Variants in PAPPA2 observed in about 807,000 individuals in gnomAD.
PAPPA2 encodes pappalysin-2.
A neutral mutation model predicts 176.4 loss-of-function variants in PAPPA2; 86 were observed. The ratio of observed to expected loss-of-function variants is 0.49; its 90% CI spans 0.41 to 0.58. The LOEUF (loss-of-function observed/expected upper bound fraction) is 0.58, where lower values mean the gene tolerates loss of function less well. PAPPA2 is among the 20% of genes least tolerant of loss of function. The pLI, the probability that PAPPA2 is intolerant of heterozygous loss-of-function variation, is 0.00. For missense variants in PAPPA2, 2,073 were observed against 2,256.9 expected (o/e 0.92, Z 1.65); for synonymous variants, 809 against 852.2 (o/e 0.95, Z 0.88).
rs1345091000 is a variant in PAPPA2 at position 176,843,217 on chromosome 1, A to G, written c.*763A>G. The G allele has an allele frequency of 6.6e-6, 1 of 152,020 alleles. No homozygotes were observed. Among genetic ancestry groups the G allele is most frequent in the Non-Finnish European group, 1.5e-5 (1 of 67,992 alleles). The allele number at this position is 152,020 out of a possible 1,614,324, so 9.4% of individuals were successfully genotyped here. On this transcript the variant is annotated 3_prime_UTR_variant, in exon 23 of 23. Coordinates refer to ENST00000367662, the MANE Select transcript of PAPPA2 (RefSeq NM_020318.3). The stretch of plus-strand genomic sequence containing the variant: ...GTAATTAGATGGAATTCTGGATGCT[A>G]GCATGTAAAGCTAATCATCTTTTTT...
chr1:176,501,413 C>T (rs1401694569), intron 1 of PAPPA2, among the ~76,000 whole-genome samples: 3 of 152,126 alleles, frequency 2.0e-5, no homozygotes, highest in African/African-American at 7.2e-5. Flanking sequence ...TGTCCTGTCC[C>T]TCTTTGTCCC....
chr1:176,737,045 T>C (rs1279517073), intron 12 of PAPPA2, among the ~76,000 whole-genome samples: 1 of 152,072 alleles, frequency 6.6e-6, no homozygotes, highest in Non-Finnish European at 1.5e-5. Context: ...TTTTTTACCT[T>C]TTTCCTACAT....
At chr1:176,619,053 A>T (rs1181918401) in intron 3 of PAPPA2, among the ~76,000 whole-genome samples, 2 of 152,096 alleles carry the variant, frequency 1.3e-5, no homozygotes, top group African/African-American at 4.8e-5. Flanking sequence ...TATGGCTACT[A>T]ATAATTGAGA....
intron 1 of PAPPA2, among the ~76,000 whole-genome samples, chr1:176,478,025 A>G (rs1427568912): frequency 6.6e-6 from 1 of 152,196 alleles, no homozygotes; most frequent in Non-Finnish European, 1.5e-5. Flanking sequence ...CTGTTAGACC[A>G]TCTAGGCAAT....
chr1:176,501,783 C>T (rs1199544819), intron 1 of PAPPA2, among the ~76,000 whole-genome samples: 1 of 152,134 alleles, frequency 6.6e-6, no homozygotes, highest in African/African-American at 2.4e-5. Context: ...CAGAGGAGAG[C>T]TTTCTAATGG....
At chr1:176,503,546 G>C (rs930280357) in intron 1 of PAPPA2, among the ~76,000 whole-genome samples, 3 of 152,080 alleles carry the variant, frequency 2.0e-5, no homozygotes, top group African/African-American at 7.2e-5. Flanking sequence ...TGGTTAATTA[G>C]AATCATAAAA....
In PAPPA2 at chr1:176,581,926, T is replaced by C. The variant is rs1387892077; in HGVS notation, c.920-12598T>C. Among the ~76,000 whole-genome samples the C allele has an allele frequency of 9.0e-4, 60 of 66,800 alleles. 1 individual carries two copies. The highest frequency in any genetic ancestry group is 2.3e-3 in the East Asian group (11 of 4,752). The allele number at this position is 66,800 out of a possible 152,430, so 43.8% of individuals were successfully genotyped here. ...TTTTTCTTTCTTTCTTTCTTTCTTT[T>C]TTTTTTTTTTTTTTTGAGACGGAGT... On this transcript the variant is annotated intron_variant, in intron 2 of 22. Transcript: ENST00000367662.
At chr1:176,473,537 G>A (rs1191964988) in intron 1 of PAPPA2, among the ~76,000 whole-genome samples, 1 of 151,956 alleles carries the variant, frequency 6.6e-6, no homozygotes, top group East Asian at 1.9e-4. Context: ...AGTCACTTGG[G>A]TAAATACCAA....
At chr1:176,606,427 C>T (rs1476315570) in intron 3 of PAPPA2, among the ~76,000 whole-genome samples, 5 of 152,118 alleles carry the variant, frequency 3.3e-5, no homozygotes, top group African/African-American at 1.2e-4. Context: ...GAAAGGAAAA[C>T]TACTATGGGC....
intron 2 of PAPPA2, among the ~76,000 whole-genome samples, chr1:176,582,219 G>T (rs528650175): frequency 6.6e-6 from 1 of 152,150 alleles, no homozygotes; most frequent in East Asian, 1.9e-4. Flanking sequence ...GAGCCACCGC[G>T]CCCGGCCTAG....
At chr1:176,511,695 C>G (rs986058261) in intron 1 of PAPPA2, among the ~76,000 whole-genome samples, 1 of 152,108 alleles carries the variant, frequency 6.6e-6, no homozygotes, top group African/African-American at 2.4e-5. Flanking sequence ...CTGTTGAGGG[C>G]CTGAATAAAA....
intron 17 of PAPPA2, among the ~76,000 whole-genome samples, chr1:176,778,263 A>G (rs767214374): frequency 3.9e-5 from 6 of 152,162 alleles, no homozygotes; most frequent in African/African-American, 1.2e-4. Flanking sequence ...TGACAACTCA[A>G]GTACTACAGT....
At chr1:176,680,207 G>T (rs1659515577) in intron 4 of PAPPA2, among the ~76,000 whole-genome samples, 1 of 152,206 alleles carries the variant, frequency 6.6e-6, no homozygotes, top group African/African-American at 2.4e-5. Context: ...GACTGCACTT[G>T]AATAGTCTGA....
chr1:176,609,949 G>C (rs1218606959), intron 3 of PAPPA2, among the ~76,000 whole-genome samples: 1 of 152,126 alleles, frequency 6.6e-6, no homozygotes, highest in Non-Finnish European at 1.5e-5. Flanking sequence ...TTGAAGAGGA[G>C]ATGTGAAAAA....
intron 21 of PAPPA2, among the ~76,000 whole-genome samples, chr1:176,833,844 CTG>C (rs934899874): frequency 6.7e-6 from 1 of 148,702 alleles, no homozygotes; most frequent in East Asian, 1.9e-4. Flanking sequence ...GTATATGTGT[CTG>C]TGTGTGTATA....
chr1:176,805,038 G>T (rs966463388), intron 21 of PAPPA2, among the ~76,000 whole-genome samples: 2 of 151,606 alleles, frequency 1.3e-5, no homozygotes, highest in Non-Finnish European at 2.9e-5. Flanking sequence ...GATATTATCA[G>T]ATAATAGATT....
At chr1:176,716,106 T>C (rs983540377) in intron 12 of PAPPA2, among the ~76,000 whole-genome samples, 1 of 151,832 alleles carries the variant, frequency 6.6e-6, no homozygotes, top group Non-Finnish European at 1.5e-5. Context: ...CTGTATTTGG[T>C]TGACTATCAA....
At position 176,740,108 on chromosome 1, in the gene PAPPA2, G is replaced by T. The variant is rs745970802; in HGVS notation, c.4063G>T (p.Val1355Leu). ...ATCCCCACGGGTCGGCATCTCAGCTGTGGCTCTAAGGACATCCTCCCGCAT... is the reference window on the plus strand; with the variant it reads ...ATCCCCACGGGTCGGCATCTCAGCTTTGGCTCTAAGGACATCCTCCCGCAT... The part of the protein sequence containing the change: ...FSSPRVGISA[V>L]ALRTSSRIGL... Residue 1355 changes from valine to leucine, a missense_variant, in exon 14 of 23, where the codon GTG becomes TTG. By Grantham distance (32) the Val-to-Leu change is conservative (BLOSUM62 1). This residue lies in a region of PAPPA2 where 846 missense variants were observed against 857.9 expected (regional missense o/e 0.99). Coordinates refer to ENST00000367662, the MANE Select transcript of PAPPA2 (RefSeq NM_020318.3). 2.5e-5 allele frequency: 40 copies of T among 1,613,830 alleles called. No individual in the cohort carries two copies. Among genetic ancestry groups the T allele is most frequent in the Non-Finnish European group, 3.4e-5 (40 of 1,179,890 alleles).
intron 1 of PAPPA2, chr1:176,537,396 T>G (rs1407098015): frequency 2.0e-5 from 3 of 152,240 alleles, no homozygotes; most frequent in Admixed American, 2.0e-4. Flanking sequence ...CAACTCTGTA[T>G]CCAATGCTTT....
Sources: allele counts gnomAD v4.1 joint callset (sites outside exome capture counted in the v4.1 genomes callset), GRCh38; gene constraint gnomAD v4.1.1; regional missense constraint gnomAD v4.1.1; transcripts MANE v1.5; gene names NCBI Gene and HGNC (gene_info 2026-07-23, HGNC 2026-07-21).